HK1: variants seen among roughly 807,000 people sequenced by gnomAD.
HK1 encodes the protein hexokinase 1, also known as hexokinase-1.
HK1 carries 28 observed loss-of-function variants against 91.6 expected under a neutral mutation model. The ratio of observed to expected loss-of-function variants is 0.31; its 90% CI spans 0.23 to 0.42. The LOEUF (loss-of-function observed/expected upper bound fraction) is 0.42, where lower values mean the gene tolerates loss of function less well. Ranked by LOEUF, HK1 falls within the 10% of genes least tolerant of loss-of-function variation. The pLI is 1.00. For missense variants in HK1, 770 were observed against 1,219.8 expected, an observed-to-expected ratio of 0.63 and a Z score of 5.49; for synonymous variants, 430 against 468.1, an observed-to-expected ratio of 0.92 and a Z score of 1.05.
chr10:69,334,257 T>C (rs1847869514), intron 1 of HK1, among the ~76,000 whole-genome samples: 1 of 152,076 alleles, frequency 6.6e-6, no homozygotes. Flanking sequence ...GTCCCCAGGA[T>C]GGGGTTTTTG....
chr10:69,392,184 G>T lies in HK1; in HGVS notation c.2095G>T (p.Asp699Tyr). 1.2e-6 allele frequency: 2 copies of T among 1,614,220 alleles called. No individual in the cohort carries two copies. Among genetic ancestry groups the T allele is most frequent in the Non-Finnish European group, 1.7e-6 (2 of 1,180,040 alleles). ...GAAGAACGTGGAGATGGTGGAGGGG[G>T]ACCAGGGGCAGATGTGCATCAACAT... ...EMKNVEMVEG[D>Y]QGQMCINMEW... is the part of the protein sequence containing the mutation. Residue 699 changes from aspartate (D) to tyrosine (Y), a missense_variant, in exon 15 of 18, where the codon GAC (aspartate) becomes TAC (tyrosine). Asp to Tyr is a radical substitution (Grantham distance 160). Transcript: ENST00000359426.
At chr10:69,383,840 C>T (rs1179065755) in intron 10 of HK1, among the ~76,000 whole-genome samples, 1 of 152,234 alleles carries the variant, frequency 6.6e-6, no homozygotes, top group Non-Finnish European at 1.5e-5. Flanking sequence ...GAAGCCCAGG[C>T]TGGGGATAGG....
At chr10:69,312,238 T>A (rs1363726779), upstream of HK1, among the ~76,000 whole-genome samples, 1 of 152,190 alleles carries the variant, frequency 6.6e-6, no homozygotes, top group Non-Finnish European at 1.5e-5. Context: ...CAGAAGCTTA[T>A]ATAGCCTTTT....
At chr10:69,308,333 C>T (rs570461941) in intron 5 of HK1, among the ~76,000 whole-genome samples, 8 of 152,026 alleles carry the variant, frequency 5.3e-5, no homozygotes, top group Admixed American at 2.0e-4. Flanking sequence ...AAGAAGGAAG[C>T]GGTTTATTCA....
chr10:69,295,929 T>G (rs535166758), intron 4 of HK1, among the ~76,000 whole-genome samples: 1 of 152,318 alleles, frequency 6.6e-6, no homozygotes, highest in Admixed American at 6.5e-5. Context: ...GGAAGCAGAA[T>G]GCTAATTGTC....
chr10:69,293,489 C>T (rs1346217437), intron 3 of HK1, among the ~76,000 whole-genome samples: 4 of 152,246 alleles, frequency 2.6e-5, no homozygotes, highest in African/African-American at 9.6e-5. Flanking sequence ...AAACCCTTCT[C>T]TGTATCAGCC....
Position 69,401,282 on chromosome 10 carries a change from A to G in HK1, c.*147A>G. 1.2e-6 allele frequency: 1 copy of G among 828,600 alleles called. No individual in the cohort carries two copies. Among genetic ancestry groups the G allele is most frequent in the Non-Finnish European group, 2.0e-6 (1 of 507,826 alleles). 51.3% of individuals were successfully genotyped at this position (828,600 alleles called of 1,614,324 possible). A position where few individuals can be genotyped will look rare whatever the true frequency, so the allele number is the denominator to read the frequency against. On this transcript the variant is annotated 3_prime_UTR_variant, in exon 18 of 18. Transcript: ENST00000359426. Reference sequence around the variant, plus strand: ...AAGCAAAATCCAACTAATGGTATATATTGTAGGGTACAGAATAGAGCGTGT... The same window carrying G: ...AAGCAAAATCCAACTAATGGTATATGTTGTAGGGTACAGAATAGAGCGTGT...
At position 69,276,118 on chromosome 10, in the gene HK1, A is replaced by AAAAAAAATATATATATATATAT; in HGVS notation, c.-391+6011_-391+6012insAAAAAATATATATATATATATA. Among the ~76,000 whole-genome samples the AAAAAAAATATATATATATATAT allele has an allele frequency of 1.3e-4, 5 of 38,272 alleles. 1 individual carries two copies. Among genetic ancestry groups the AAAAAAAATATATATATATATAT allele is most frequent in the South Asian group, 1.6e-3 (1 of 644 alleles). The allele number at this position is 38,272 out of a possible 152,430, so 25.1% of individuals were successfully genotyped here. A position where few individuals can be genotyped will look rare whatever the true frequency, so the allele number is the denominator to read the frequency against. On this transcript the variant is annotated intron_variant, in intron 1 of 21. Coordinates refer to the HK1 transcript ENST00000360289. ...AAAAAAAAAAAAAAAAAAAAAAAAA[A>AAAAAAAATATATATATATATAT]ATACATATATATATATATATACACA...
intron 1 of HK1, among the ~76,000 whole-genome samples, chr10:69,326,536 T>A (rs1334709842): frequency 6.6e-6 from 1 of 152,230 alleles, no homozygotes; most frequent in Admixed American, 6.5e-5. Context: ...GCTTCCTCTG[T>A]TTCCTTCTTT....
upstream of HK1, among the ~76,000 whole-genome samples, chr10:69,315,063 G>A (rs1018109388): frequency 2.0e-5 from 3 of 152,128 alleles, no homozygotes; most frequent in Admixed American, 6.5e-5. Flanking sequence ...TTCAATTTAA[G>A]AAAAAAACCA....
upstream of HK1, among the ~76,000 whole-genome samples, chr10:69,312,178 A>G (rs1396722939): frequency 6.6e-6 from 1 of 152,232 alleles, no homozygotes. Flanking sequence ...CACATTTTCT[A>G]ATATGCCTAG....
intron 5 of HK1, among the ~76,000 whole-genome samples, chr10:69,304,113 G>A (rs1845997242): frequency 6.6e-6 from 1 of 152,076 alleles, no homozygotes; most frequent in African/African-American, 2.4e-5. Context: ...GGATCAATTT[G>A]GGAGGGTCAG....
chr10:69,363,135 C>T (rs1037692611), intron 3 of HK1, among the ~76,000 whole-genome samples: 1 of 152,188 alleles, frequency 6.6e-6, no homozygotes, highest in Non-Finnish European at 1.5e-5. Flanking sequence ...GTTTGGCTCT[C>T]CTAAGACAGC....
chr10:69,367,374 C>T (rs906587954), intron 4 of HK1, among the ~76,000 whole-genome samples: 1 of 152,178 alleles, frequency 6.6e-6, no homozygotes, highest in South Asian at 2.1e-4. Context: ...TAGAGGAGCA[C>T]AGTGAACCTC....
upstream of HK1, chr10:69,318,112 G>C: frequency 1.0e-6 from 1 of 985,444 alleles, no homozygotes; most frequent in Non-Finnish European, 1.2e-6. Flanking sequence ...GAGAGCCACC[G>C]GAGCTGGTGA....
chr10:69,326,069 C>T (rs561565940), intron 1 of HK1, among the ~76,000 whole-genome samples: 85 of 150,224 alleles, frequency 5.7e-4, no homozygotes, highest in African/African-American at 1.9e-3. Context: ...TTCCTGACCT[C>T]GTGATTCACC....
chr10:69,312,019 G>A (rs1846399864), upstream of HK1, among the ~76,000 whole-genome samples: 1 of 152,138 alleles, frequency 6.6e-6, no homozygotes, highest in African/African-American at 2.4e-5. Context: ...GGGACAGGGT[G>A]GGACTCGGAT....
At chr10:69,319,781 C>T (rs1011669858) in intron 1 of HK1, among the ~76,000 whole-genome samples, 1 of 152,234 alleles carries the variant, frequency 6.6e-6, no homozygotes, top group African/African-American at 2.4e-5. Context: ...TTGCCTTTGA[C>T]ATCTTAGTGT....
rs1295453863 is a variant in HK1, at chr10:69,328,184, G to A, written c.63+9174G>A. 2.6e-5 allele frequency among the ~76,000 whole-genome samples: 4 copies of A among 152,206 alleles called. No individual in the cohort carries two copies. The South Asian group carries it at 6.2e-4, about 24-fold the overall frequency. ...ACCGTCTTCCGTAAAAGGAGAGGGT[G>A]GCTGTACCCACGTGGCAGGGAAAAC... On this transcript the variant is annotated intron_variant, in intron 1 of 17. Transcript: ENST00000359426.
Sources: allele counts gnomAD v4.1 joint callset (sites outside exome capture counted in the v4.1 genomes callset), GRCh38; gene constraint gnomAD v4.1.1; transcripts MANE v1.5; gene names NCBI Gene and HGNC (gene_info 2026-07-23, HGNC 2026-07-21).